Variants in HIVEP2 observed in about 807,000 individuals in gnomAD.
HIVEP2 encodes the protein HIVEP zinc finger 2.
In HIVEP2, 14 loss-of-function variants were observed where a neutral mutation model predicts 180.7. The observed-to-expected ratio is 0.08, with a 90% CI of 0.05 to 0.12. HIVEP2 has a LOEUF of 0.12. Ranked by LOEUF, HIVEP2 falls within the 10% of genes least tolerant of loss-of-function variation. The pLI, the probability that HIVEP2 is intolerant of heterozygous loss-of-function variation, is 1.00. For synonymous variants in HIVEP2, 1,184 were observed against 1,136.4 expected, an observed-to-expected ratio of 1.04 and a Z score of -0.84; for missense variants, 2,579 against 3,008.5, an observed-to-expected ratio of 0.86 and a Z score of 3.34.
At chr6:142,762,841 A>G (rs197459) in intron 7 of HIVEP2, among the ~76,000 whole-genome samples, 39,573 of 152,028 alleles carry the variant, frequency 0.26, 5,525 homozygotes, top group East Asian at 0.45. Flanking sequence ...TGCTGTTTTG[A>G]ATAATTCCAA....
intron 1 of HIVEP2, among the ~76,000 whole-genome samples, chr6:142,887,486 A>G (rs1402340956): frequency 6.6e-6 from 1 of 152,198 alleles, no homozygotes; most frequent in Admixed American, 6.6e-5. Flanking sequence ...GTCTGAACTG[A>G]GGATCCTCAG....
intron 1 of HIVEP2, among the ~76,000 whole-genome samples, chr6:142,840,026 AG>A (rs1375136659): frequency 1.3e-5 from 2 of 152,150 alleles, no homozygotes; most frequent in Non-Finnish European, 2.9e-5. Flanking sequence ...TTATCAGCTT[AG>A]GATGGGAAGG....
At chr6:142,895,947 C>T (rs891268597) in intron 1 of HIVEP2, among the ~76,000 whole-genome samples, 2 of 152,090 alleles carry the variant, frequency 1.3e-5, no homozygotes, top group African/African-American at 2.4e-5. Context: ...TTAAAAACTA[C>T]CTTATTGAAC....
At chr6:142,853,768 A>T (rs1775750294) in intron 1 of HIVEP2, among the ~76,000 whole-genome samples, 1 of 152,158 alleles carries the variant, frequency 6.6e-6, no homozygotes, top group South Asian at 2.1e-4. Flanking sequence ...GAAGAATCTC[A>T]GTGGCTCTTG....
intron 9 of HIVEP2, among the ~76,000 whole-genome samples, chr6:142,756,221 C>A (rs988771487): frequency 6.6e-6 from 1 of 152,116 alleles, no homozygotes; most frequent in South Asian, 2.1e-4. Context: ...GTAGGGACCT[C>A]TAGATGCAAA....
chr6:142,815,332 G>C (rs749506940), intron 2 of HIVEP2, among the ~76,000 whole-genome samples: 1 of 152,118 alleles, frequency 6.6e-6, no homozygotes, highest in African/African-American at 2.4e-5. Flanking sequence ...AGGAGTAATC[G>C]GGCAAGTAGC....
chr6:142,903,690 G>A (rs1285983637), intron 1 of HIVEP2, among the ~76,000 whole-genome samples: 1 of 152,036 alleles, frequency 6.6e-6, no homozygotes, highest in Admixed American at 6.5e-5. Flanking sequence ...TGATATCAAG[G>A]TTAACAAAAC....
intron 6 of HIVEP2, among the ~76,000 whole-genome samples, chr6:142,765,426 T>C (rs1030915007): frequency 1.3e-5 from 2 of 152,228 alleles, no homozygotes; most frequent in Admixed American, 1.3e-4. Flanking sequence ...CTAAATTTGC[T>C]AAATTAAGTA....
rs1334046925 is a variant in HIVEP2, at chr6:142,771,013, A to G, written c.3726T>C (p.Tyr1242=). The change falls in exon 5 of 10, where the codon TAT becomes TAC. Residue 1242 remains tyrosine (Y), a synonymous_variant. Transcript: ENST00000367603. The surrounding 1 kb of genome is among the most constrained non-coding windows in gnomAD (Gnocchi z 5.4). ...HPFAQHPQKS[Y]GKPSFQTEIH... ...TTTCTGTCTGAAAAGAGGGCTTGCC[A>G]TAGCTCTTCTGAGGGTGCTGAGCAA... 1 of 1,614,222 alleles carries G rather than the reference A, an allele frequency of 6.2e-7. No homozygotes were observed. The highest frequency in any genetic ancestry group is 8.5e-7 in the Non-Finnish European group (1 of 1,180,042).
At chr6:142,785,528 C>T (rs1208922339) in intron 2 of HIVEP2, among the ~76,000 whole-genome samples, 1 of 152,056 alleles carries the variant, frequency 6.6e-6, no homozygotes, top group Non-Finnish European at 1.5e-5. Context: ...AAAAGAAGAG[C>T]TTAATTTTCA....
intron 1 of HIVEP2, among the ~76,000 whole-genome samples, chr6:142,851,854 T>C (rs1775687929): frequency 6.6e-6 from 1 of 152,264 alleles, no homozygotes; most frequent in Non-Finnish European, 1.5e-5. Flanking sequence ...TGAGCTGGTA[T>C]GACAGAACCT....
intron 2 of HIVEP2, among the ~76,000 whole-genome samples, chr6:142,809,262 T>C (rs1171413246): frequency 6.6e-6 from 1 of 152,150 alleles, no homozygotes; most frequent in African/African-American, 2.4e-5. Context: ...CATCACCTCT[T>C]ACTCCTCCTT....
At chr6:142,776,446 T>G (rs1167670266) in intron 3 of HIVEP2, among the ~76,000 whole-genome samples, 12 of 152,188 alleles carry the variant, frequency 7.9e-5, no homozygotes, top group African/African-American at 2.9e-4. Context: ...GACATAAGAT[T>G]ATTATATATG....
At chr6:142,831,258 C>T (rs771852841) in intron 2 of HIVEP2, among the ~76,000 whole-genome samples, 3 of 152,136 alleles carry the variant, frequency 2.0e-5, no homozygotes, top group Non-Finnish European at 4.4e-5. Flanking sequence ...GCCTGGGATT[C>T]GAGTCTCCAC....
At chr6:142,810,619 G>A (rs948086769) in intron 2 of HIVEP2, among the ~76,000 whole-genome samples, 6 of 151,814 alleles carry the variant, frequency 4.0e-5, no homozygotes, top group Admixed American at 1.3e-4. Flanking sequence ...AAAATTAGCC[G>A]GGCATGGTGG....
intron 1 of HIVEP2, among the ~76,000 whole-genome samples, chr6:142,860,648 G>A (rs1351376118): frequency 1.3e-5 from 2 of 152,130 alleles, no homozygotes; most frequent in Admixed American, 1.3e-4. Flanking sequence ...CCTGGCATGC[G>A]CAGTTCACAA....
chr6:142,850,437 A>G (rs927471643), intron 1 of HIVEP2, among the ~76,000 whole-genome samples: 3 of 152,238 alleles, frequency 2.0e-5, no homozygotes, highest in Non-Finnish European at 4.4e-5. Context: ...AAGGAATCGC[A>G]TAACACTGTG....
At chr6:142,879,104 G>T (rs1366197319) in intron 1 of HIVEP2, among the ~76,000 whole-genome samples, 1 of 152,120 alleles carries the variant, frequency 6.6e-6, no homozygotes, top group South Asian at 2.1e-4. Flanking sequence ...GGTAAATTAC[G>T]AAAGCCGGCA....
rs536232053 is a variant in HIVEP2 at position 142,837,073 on chromosome 6, C to T, written c.-640-26G>A. The T allele has an allele frequency of 3.3e-5, 5 of 152,172 alleles. No individual in the cohort carries two copies. The East Asian group carries it at 9.6e-4, about 29-fold the overall frequency. The allele number at this position is 152,172 out of a possible 1,614,324, so 9.4% of individuals were successfully genotyped here. ...CTAATGAGAAAAAAACAAAGAACTA[C>T]ATTTAAACCGGAGCGTGATTATAGG... On this transcript the variant is annotated intron_variant, in intron 1 of 9. Coordinates refer to ENST00000367603, the MANE Select transcript of HIVEP2 (RefSeq NM_006734.4).
Sources: gnomAD v4.1 joint callset for allele counts (sites outside exome capture counted in the v4.1 genomes callset) on GRCh38, gnomAD v4.1.1 for gene constraint, Gnocchi (gnomAD v3.1) non-coding constraint, MANE v1.5 for transcripts, NCBI Gene and HGNC (gene_info 2026-07-23, HGNC 2026-07-21) for gene names.